Variants in ITFG2 observed in about 807,000 individuals in gnomAD.
ITFG2 encodes the protein KICSTOR complex protein ITFG2.
In ITFG2, 36 loss-of-function variants were observed where a neutral mutation model predicts 54.4. The observed-to-expected ratio is 0.66, with a 90% CI of 0.51 to 0.87. ITFG2 has a LOEUF of 0.87. Ranked by LOEUF, ITFG2 falls within the 40% of genes least tolerant of loss-of-function variation. The probability of loss-of-function intolerance (pLI) is 0.00; values close to 1 mark genes in which losing one functional copy is unlikely to be tolerated. For synonymous variants in ITFG2, 211 were observed against 225.4 expected, an observed-to-expected ratio of 0.94 and a Z score of 0.57; for missense variants, 524 against 576.7, an observed-to-expected ratio of 0.91 and a Z score of 0.94.
At chr12:2,826,843 G>T, downstream of ITFG2, 1 of 358,310 alleles carries the variant, frequency 2.8e-6, no homozygotes, top group Non-Finnish European at 4.6e-6. Context: ...GTTTGGGGTG[G>T]TATTGGGTGA....
chr12:2,859,131 G>A lies in ITFG2; in HGVS notation n.621-403G>A, dbSNP rs369897716. ...GATGGGCAGCGTTTCCTTAATGGGT[G>A]TCTTAAAAGGTCCTCCCACTTCCTG... is the stretch of plus-strand genomic sequence containing the variant. On this transcript the variant is annotated intron_variant and non_coding_transcript_variant, in intron 3 of 3. Transcript: ENST00000537710. 54 of 1,605,512 alleles carry A rather than the reference G, an allele frequency of 3.4e-5. No homozygotes were observed. In the African/African-American group the frequency reaches 5.5e-4, roughly 16 times the overall value.
chr12:2,819,260 C>T (rs1009353711), intron 4 of ITFG2, among the ~76,000 whole-genome samples: 2 of 151,944 alleles, frequency 1.3e-5, no homozygotes, highest in South Asian at 4.2e-4. Flanking sequence ...GTCAGGAGAC[C>T]GAGACCATCC....
chr12:2,816,478 C>T (rs539188107), intron 1 of ITFG2, among the ~76,000 whole-genome samples: 5 of 151,816 alleles, frequency 3.3e-5, no homozygotes, highest in East Asian at 1.9e-4. Context: ...CACAGGCGCC[C>T]GCCACCATGC....
intron 2 of ITFG2, among the ~76,000 whole-genome samples, chr12:2,846,142 G>T (rs2098052791): frequency 6.6e-6 from 1 of 152,190 alleles, no homozygotes; most frequent in African/African-American, 2.4e-5. Flanking sequence ...GAACAAGAGA[G>T]CCTGGATACT....
intron 2 of ITFG2, among the ~76,000 whole-genome samples, chr12:2,854,321 T>A (rs541931583): frequency 2.0e-5 from 3 of 152,316 alleles, no homozygotes; most frequent in South Asian, 2.1e-4. Flanking sequence ...CACCACGCCC[T>A]GCCATAACAT....
intron 10 of ITFG2, among the ~76,000 whole-genome samples, chr12:2,823,312 C>G (rs997691344): frequency 8.3e-5 from 11 of 133,298 alleles, no homozygotes; most frequent in Non-Finnish European, 4.8e-5. Flanking sequence ...GAAGAAAGTT[C>G]TCCTAGAGCA....
At chr12:2,819,852 C>A in intron 4 of ITFG2, 1 of 377,660 alleles carries the variant, frequency 2.6e-6, no homozygotes. Context: ...CTTTGAGTTG[C>A]ATGTTTGAGA....
At chr12:2,842,120 C>CTTT (rs71057841) in intron 2 of ITFG2, among the ~76,000 whole-genome samples, 1,195 of 108,688 alleles carry the variant, frequency 0.011, 137 homozygotes, top group African/African-American at 0.037. Context: ...TCACTTGTTT[C>CTTT]TTTTTTTTTT....
chr12:2,829,396 T>A (rs1340030432), downstream of ITFG2, among the ~76,000 whole-genome samples: 1 of 152,216 alleles, frequency 6.6e-6, no homozygotes, highest in East Asian at 1.9e-4. Context: ...GGAAGGTATA[T>A]CAATGAATGC....
At chr12:2,854,564 TG>T (rs1361517071) in intron 2 of ITFG2, among the ~76,000 whole-genome samples, 1 of 152,228 alleles carries the variant, frequency 6.6e-6, no homozygotes, top group Admixed American at 6.5e-5. Context: ...TCTCGCACTC[TG>T]GGCCCTTTGC....
intron 10 of ITFG2, 71 bp from the exon 11 acceptor site, chr12:2,823,699 G>A (rs2097953860): frequency 2.0e-6 from 3 of 1,491,226 alleles, no homozygotes; most frequent in Non-Finnish European, 1.8e-6. Flanking sequence ...GGAGGTCTGT[G>A]TCTTGCTGTC....
chr12:2,817,135 G>A (rs752068076), intron 1 of ITFG2, 88 bp from the exon 2 acceptor site: 4 of 787,800 alleles, frequency 5.1e-6, no homozygotes, highest in Non-Finnish European at 8.6e-6. Flanking sequence ...GAGGTCTTGT[G>A]ATTACCCTTG....
At chr12:2,827,919 G>A (rs975401424), downstream of ITFG2, 1 of 1,613,948 alleles carries the variant, frequency 6.2e-7, no homozygotes, top group South Asian at 1.1e-5. The surrounding 1 kb of genome is among the most constrained non-coding windows in gnomAD (Gnocchi z 4.0). Flanking sequence ...CAGAAGGGGG[G>A]ACTTACCCAC....
intron 2 of ITFG2, among the ~76,000 whole-genome samples, chr12:2,847,637 A>C (rs1188537821): frequency 6.7e-6 from 1 of 150,106 alleles, no homozygotes; most frequent in Non-Finnish European, 1.5e-5. Context: ...ACTGCACTCC[A>C]ACCTGGGTGA....
chr12:2,820,812 G>T lies in ITFG2; in HGVS notation c.635G>T (p.Cys212Phe). 1 of 1,614,048 alleles carries T rather than the reference G, an allele frequency of 6.2e-7. No individual in the cohort carries two copies. The highest frequency in any genetic ancestry group is 8.5e-7 in the Non-Finnish European group (1 of 1,179,964). ...QPGCAYAILL[C>F]TWKKDTGSPP... Reference sequence around the variant, plus strand: ...GGTTGTGCGTATGCAATTCTACTGTGTACCTGGAAAAAGGACACTGGGTCC... The same window carrying T: ...GGTTGTGCGTATGCAATTCTACTGTTTACCTGGAAAAAGGACACTGGGTCC... The change falls in exon 6 of 12, where the codon TGT becomes TTT. Residue 212 changes from cysteine (C) to phenylalanine (F), a missense_variant. Physicochemically the swap from Cys to Phe is radical, Grantham distance 205. Transcript: ENST00000228799.
intron 2 of ITFG2, among the ~76,000 whole-genome samples, chr12:2,853,260 A>T (rs1221353485): frequency 2.0e-5 from 3 of 151,918 alleles, no homozygotes; most frequent in Admixed American, 6.6e-5. Flanking sequence ...GATCTCTCAA[A>T]GTCACCAACC....
upstream of ITFG2, among the ~76,000 whole-genome samples, chr12:2,834,355 G>T (rs1469065384): frequency 6.6e-6 from 1 of 152,144 alleles, no homozygotes; most frequent in Non-Finnish European, 1.5e-5. Flanking sequence ...GTTCCTGTAA[G>T]CCCCCACTTC....
downstream of ITFG2, chr12:2,827,706 G>A: frequency 1.2e-6 from 2 of 1,613,684 alleles, no homozygotes; most frequent in Middle Eastern, 1.8e-4. This position sits in a 1 kb window ranked among gnomAD's most constrained non-coding sequence, Gnocchi z 4.0. Flanking sequence ...AACAGAAGAG[G>A]CTGAGGGTTC....
rs376740468 is a variant in ITFG2 at position 2,817,272 on chromosome 12, A to G, written c.146A>G (p.Lys49Arg). 5.0e-6 allele frequency: 8 copies of G among 1,613,944 alleles called. No homozygotes were observed. Among genetic ancestry groups the G allele is most frequent in the African/African-American group, 4.0e-5 (3 of 74,912 alleles). Residue 49 changes from lysine to arginine, a missense_variant, in exon 2 of 12, where the codon AAA (lysine) becomes AGA (arginine). Transcript: ENST00000228799. ...ACCAGCGGGAAGGTGTCTGTGTATA[A>G]AAATGATGACAGTCGGCCATGGCTC... ...GDTSGKVSVY[K>R]NDDSRPWLTC...
Sources: allele counts gnomAD v4.1 joint callset (sites outside exome capture counted in the v4.1 genomes callset), GRCh38; gene constraint gnomAD v4.1.1; non-coding constraint Gnocchi (gnomAD v3.1); transcripts MANE v1.5; gene names NCBI Gene and HGNC (gene_info 2026-07-23, HGNC 2026-07-21).